The following CCM2 variants were observed in gnomAD, a reference collection of about 807,000 sequenced individuals.
CCM2 encodes the protein cerebral cavernous malformations 2 protein.
CCM2 carries 25 observed loss-of-function variants against 44.9 expected under a neutral mutation model. The ratio of observed to expected loss-of-function variants is 0.56; its 90% CI spans 0.41 to 0.78. The LOEUF (loss-of-function observed/expected upper bound fraction) is 0.78. Among genes scored for constraint, CCM2 ranks in the 30% least tolerant of loss-of-function variants. The pLI, the probability that CCM2 is intolerant of heterozygous loss-of-function variation, is 0.00. For synonymous variants in CCM2, 219 were observed against 241.1 expected (o/e 0.91, Z 0.85); for missense variants, 481 against 580.6 (o/e 0.83, Z 1.76).
At chr7:45,011,939 A>C (rs946255034) in intron 1 of CCM2, among the ~76,000 whole-genome samples, 1 of 150,404 alleles carries the variant, frequency 6.6e-6, no homozygotes, top group East Asian at 2.0e-4. Context: ...GCCTAAAGCC[A>C]CCTTGGCCTC....
chr7:45,048,871 T>A (rs2128737821), intron 2 of CCM2, among the ~76,000 whole-genome samples: 1 of 152,364 alleles, frequency 6.6e-6, no homozygotes, highest in Middle Eastern at 3.4e-3. Context: ...ATGAATGGAC[T>A]CATAGCAGGC....
At chr7:45,016,442 G>A (rs907516117) in intron 1 of CCM2, among the ~76,000 whole-genome samples, 98 of 151,818 alleles carry the variant, frequency 6.5e-4, no homozygotes, top group African/African-American at 2.1e-3. Flanking sequence ...CGATTCTCCT[G>A]TCTCAGCCTC....
chr7:45,020,614 T>C (rs1796445771), intron 1 of CCM2, among the ~76,000 whole-genome samples: 1 of 152,250 alleles, frequency 6.6e-6, no homozygotes, highest in African/African-American at 2.4e-5. Flanking sequence ...ATAAGTGCAT[T>C]TGTAATTTTA....
At chr7:45,072,878 A>G in intron 7 of CCM2, 95 bp downstream of exon 7, 1 of 1,049,188 alleles carries the variant, frequency 9.5e-7, no homozygotes, top group South Asian at 1.3e-5. Context: ...CCCCCATCTC[A>G]GCTCACCCTC....
chr7:45,023,723 CTTT>C (rs368536421), intron 1 of CCM2, among the ~76,000 whole-genome samples: 7 of 77,912 alleles, frequency 9.0e-5, no homozygotes, highest in Non-Finnish European at 1.5e-4. Flanking sequence ...ACTGGGAAAT[CTTT>C]TTTTTTTTTT....
chr7:45,056,723 A>C (rs57473545), intron 2 of CCM2, among the ~76,000 whole-genome samples: 1,576 of 152,304 alleles, frequency 0.01, 25 homozygotes, highest in African/African-American at 0.037. Context: ...TTTAGATATT[A>C]ATCCCTTATC....
chr7:45,034,410 A>G (rs1027940803), intron 1 of CCM2, among the ~76,000 whole-genome samples: 3 of 149,282 alleles, frequency 2.0e-5, no homozygotes, highest in Admixed American at 6.7e-5. Flanking sequence ...ACGGGGTTTC[A>G]CCATCTTGGC....
chr7:45,060,078 TC>T (rs1259998051), intron 2 of CCM2, among the ~76,000 whole-genome samples: 11 of 152,256 alleles, frequency 7.2e-5, no homozygotes, highest in African/African-American at 2.4e-4. Context: ...TTTACATAGA[TC>T]AGAGTTTCTG....
At chr7:45,056,674 T>C (rs1798278812) in intron 2 of CCM2, among the ~76,000 whole-genome samples, 1 of 152,224 alleles carries the variant, frequency 6.6e-6, no homozygotes, top group Non-Finnish European at 1.5e-5. Flanking sequence ...TTGGGTTGTT[T>C]GGTTTTTGGT....
intron 1 of CCM2, among the ~76,000 whole-genome samples, chr7:45,008,035 G>A (rs1795912699): frequency 7.6e-6 from 1 of 130,932 alleles, no homozygotes; most frequent in East Asian, 2.4e-4. Context: ...ATGTGGTGGG[G>A]TACATTTTTT....
In CCM2 at chr7:45,069,828, C is replaced by A. The variant is rs181474100; in HGVS notation, c.612C>A (p.Val204=). The A allele has an allele frequency of 6.2e-7, 1 of 1,614,096 alleles. No homozygotes were observed. The highest frequency in any genetic ancestry group is 1.7e-5 in the Admixed American group (1 of 60,028). ...GCAGCTGCTGTCCCCCACTGCAGGT[C>A]GCTGCGGAGGAGCTTTGCTGTCTGC... is the stretch of plus-strand genomic sequence containing the variant. The part of the protein sequence containing the change: ...CLVILAAESK[V]AAEELCCLLG... The change falls in exon 6 of 10, where the codon GTC becomes GTA. Residue 204 remains valine (V), a splice_region_variant and synonymous_variant. Transcript: ENST00000258781.
chr7:45,053,384 A>G (rs530620711), intron 2 of CCM2, among the ~76,000 whole-genome samples: 26 of 152,300 alleles, frequency 1.7e-4, no homozygotes, highest in Non-Finnish European at 1.8e-4. Context: ...GATACTTTGC[A>G]TTGTAGAAGC....
Position 45,059,684 on chromosome 7 carries a change from G to A in CCM2, c.205-4234G>A, listed in dbSNP as rs895896411. 3.3e-5 allele frequency among the ~76,000 whole-genome samples: 5 copies of A among 152,200 alleles called. 1 individual carries two copies. The South Asian group carries it at 1.0e-3, about 32-fold the overall frequency. ...GCCTGGGAGGTTGAGGCTGCAGTGAGCTGTGATTGTGCCACTGCACTCCAG... is the reference window on the plus strand; with the variant it reads ...GCCTGGGAGGTTGAGGCTGCAGTGAACTGTGATTGTGCCACTGCACTCCAG... On this transcript the variant is annotated intron_variant, in intron 2 of 9. Coordinates refer to ENST00000258781, the MANE Select transcript of CCM2 (RefSeq NM_031443.4).
intron 1 of CCM2, among the ~76,000 whole-genome samples, chr7:45,033,272 A>G (rs1367599222): frequency 6.6e-6 from 1 of 152,156 alleles, no homozygotes; most frequent in African/African-American, 2.4e-5. Context: ...AGTCCTTCCC[A>G]GTGCAGACTG....
At chr7:45,068,698 C>T in intron 5 of CCM2, 119 bp downstream of exon 5, 3 of 1,298,972 alleles carry the variant, frequency 2.3e-6, no homozygotes, top group African/African-American at 1.5e-5. Context: ...CCAGCTACTT[C>T]CTCTGCCATT....
At chr7:45,070,451 G>A (rs972197685) in intron 6 of CCM2, 6 of 456,352 alleles carry the variant, frequency 1.3e-5, no homozygotes, top group African/African-American at 1.2e-4. Context: ...GGCAGTGGTG[G>A]AGCAGTGGCA....
chr7:45,044,202 C>T (rs1304894196), intron 2 of CCM2, among the ~76,000 whole-genome samples: 1 of 152,194 alleles, frequency 6.6e-6, no homozygotes, highest in African/African-American at 2.4e-5. Flanking sequence ...GGTGCAGGCT[C>T]CGCTCACTGC....
Position 45,040,921 on chromosome 7 carries a change from C to T in CCM2, c.204+2495C>T, listed in dbSNP as rs970293165. On this transcript the variant is annotated intron_variant, in intron 2 of 9. Coordinates refer to ENST00000258781, the MANE Select transcript of CCM2 (RefSeq NM_031443.4). ...ACGAGAATAGCTTGAACCCGGGAGG[C>T]GGAGGTTGCAGTGAGCCGAGATCGC... Among the ~76,000 whole-genome samples the T allele has an allele frequency of 2.6e-5, 4 of 152,120 alleles. No homozygotes were observed. In the East Asian group the frequency reaches 5.8e-4, roughly 22 times the overall value.
intron 1 of CCM2, among the ~76,000 whole-genome samples, chr7:45,006,426 C>T (rs948995896): frequency 6.6e-6 from 1 of 151,890 alleles, no homozygotes; most frequent in Non-Finnish European, 1.5e-5. Flanking sequence ...TCGCTGCAAG[C>T]TCCGCCTCCC....
Sources: allele counts gnomAD v4.1 joint callset (sites outside exome capture counted in the v4.1 genomes callset), GRCh38; gene constraint gnomAD v4.1.1; transcripts MANE v1.5; gene names NCBI Gene and HGNC (gene_info 2026-07-23, HGNC 2026-07-21).